Variants in GALNT14 observed in about 807,000 individuals in gnomAD.
The protein encoded by GALNT14 is UDP-GalNAc:polypeptide N-acetylgalactosaminyltransferase 14.
A neutral mutation model predicts 77.5 loss-of-function variants in GALNT14; 60 were observed. That is an observed-to-expected ratio of 0.77 (90% CI 0.63 to 0.96). The LOEUF is 0.96. Ranked by LOEUF, GALNT14 falls within the 40% of genes least tolerant of loss-of-function variation. The pLI, the probability that GALNT14 is intolerant of heterozygous loss-of-function variation, is 0.00. For missense variants in GALNT14, 710 were observed against 731.0 expected (o/e 0.97, Z 0.33); for synonymous variants, 280 against 281.7 (o/e 0.99, Z 0.06).
chr2:31,057,664 A>G (rs936245890), intron 1 of GALNT14, among the ~76,000 whole-genome samples: 5 of 152,092 alleles, frequency 3.3e-5, no homozygotes, highest in Admixed American at 3.3e-4. Flanking sequence ...CTGAAAGTGG[A>G]TAACACTAAC....
intron 8 of GALNT14, among the ~76,000 whole-genome samples, chr2:30,943,829 G>A (rs1312467831): frequency 6.6e-6 from 1 of 152,178 alleles, no homozygotes; most frequent in African/African-American, 2.4e-5. Flanking sequence ...TCAGGTAGAT[G>A]AGACCAAGGT....
At chr2:30,892,172 T>C in the GALNT14 span, among the ~76,000 whole-genome samples, 5,580 of 152,132 alleles carry the variant, frequency 0.037, 342 homozygotes, top group African/African-American at 0.13. Flanking sequence ...CCATAGATGA[T>C]TACAAATTTG....
chr2:30,924,817 C>G lies in GALNT14; in HGVS notation c.1158G>C (p.Glu386Asp), dbSNP rs543670916. ...FALERPFGNV[E>D]SRLDLRKNLR... is the part of the protein sequence containing the mutation. The stretch of plus-strand genomic sequence containing the variant: ...GATTCTTCCTCAGGTCCAATCTGCT[C>G]TCAACACTGGGGGCAACGGGGTTGT... The change falls in exon 12 of 15, where the codon GAG becomes GAC. Residue 386 changes from glutamate to aspartate, a missense_variant. By Grantham distance (45) the Glu-to-Asp change is conservative. Transcript: ENST00000349752. The G allele has an allele frequency of 1.4e-5, 22 of 1,613,724 alleles. No individual in the cohort carries two copies. The East Asian group carries it at 4.0e-4, about 29-fold the overall frequency.
intron 1 of GALNT14, among the ~76,000 whole-genome samples, chr2:31,083,949 G>T (rs556281983): frequency 5.3e-5 from 8 of 152,164 alleles, no homozygotes; most frequent in Non-Finnish European, 8.8e-5. Flanking sequence ...GTGAGCTGCC[G>T]GGGATCTCGC....
In GALNT14 at chr2:31,033,772, C is replaced by A. The variant is rs547465803; in HGVS notation, c.130-40765G>T. 2.6e-5 allele frequency among the ~76,000 whole-genome samples: 4 copies of A among 152,232 alleles called. No individual in the cohort carries two copies. In the East Asian group the frequency reaches 7.7e-4, roughly 29 times the overall value. On this transcript the variant is annotated intron_variant, in intron 1 of 14. Coordinates refer to ENST00000349752, the MANE Select transcript of GALNT14 (RefSeq NM_024572.4). ...TTCCCCGAGATATGCAGGTGATGCC[C>A]ACGTGTTAGTTCTGACACTAATTTC...
chr2:31,135,304 G>A (rs377097050), intron 1 of GALNT14, among the ~76,000 whole-genome samples: 30 of 152,296 alleles, frequency 2.0e-4, no homozygotes, highest in African/African-American at 7.0e-4. Flanking sequence ...GAGCTCACCA[G>A]GTGATTCTGA....
intron 6 of GALNT14, among the ~76,000 whole-genome samples, chr2:30,950,056 A>C (rs189009935): frequency 6.6e-6 from 1 of 152,350 alleles, no homozygotes; most frequent in African/African-American, 2.4e-5. Context: ...TTCATCTATA[A>C]AAGAAAGACA....
At chr2:30,905,170 G>T in the GALNT14 span, among the ~76,000 whole-genome samples, 1 of 152,106 alleles carries the variant, frequency 6.6e-6, no homozygotes, top group Admixed American at 6.5e-5. Flanking sequence ...TCCTCCAAAG[G>T]AACGCAGTTC....
intron 1 of GALNT14, among the ~76,000 whole-genome samples, chr2:31,045,174 C>T (rs945375953): frequency 6.6e-6 from 1 of 152,066 alleles, no homozygotes; most frequent in African/African-American, 2.4e-5. Flanking sequence ...TGATCTGGGG[C>T]GTTCAGGAAG....
At chr2:31,110,467 C>T (rs1677778359) in intron 1 of GALNT14, among the ~76,000 whole-genome samples, 1 of 152,198 alleles carries the variant, frequency 6.6e-6, no homozygotes, top group Non-Finnish European at 1.5e-5. Context: ...AAATCAGAGC[C>T]TACCAAGAAA....
At chr2:31,055,864 T>C (rs1392547922) in intron 1 of GALNT14, among the ~76,000 whole-genome samples, 1 of 152,230 alleles carries the variant, frequency 6.6e-6, no homozygotes, top group Non-Finnish European at 1.5e-5. Context: ...ATAGGACCTC[T>C]AGTTATGCTG....
intron 9 of GALNT14, among the ~76,000 whole-genome samples, chr2:30,938,523 T>C (rs1194888806): frequency 6.6e-6 from 1 of 152,216 alleles, no homozygotes; most frequent in Non-Finnish European, 1.5e-5. Context: ...CCAATTTTAA[T>C]GCAAATCAAC....
chr2:31,034,926 T>A (rs1431777247), intron 1 of GALNT14, among the ~76,000 whole-genome samples: 1 of 152,254 alleles, frequency 6.6e-6, no homozygotes, highest in Non-Finnish European at 1.5e-5. Flanking sequence ...TCATCATTGA[T>A]TTCCAAGTTC....
chr2:31,110,704 T>C (rs1336406643), intron 1 of GALNT14, among the ~76,000 whole-genome samples: 2 of 152,142 alleles, frequency 1.3e-5, no homozygotes, highest in African/African-American at 4.8e-5. Flanking sequence ...ACCACAATTT[T>C]TTTTTCTAAG....
At position 30,924,150 on chromosome 2, in the gene GALNT14, G is replaced by C; in HGVS notation, c.1349C>G (p.Ala450Gly). Reference sequence around the variant, plus strand: ...CTTTGCATCTTCGCCTTTGACCTTGGCACAGGGGCTCAACTTTAGGTTTGG... The same window carrying C: ...CTTTGCATCTTCGCCTTTGACCTTGCCACAGGGGCTCAACTTTAGGTTTGG... ...ETPNLKLSPCAKVKGEDAKSQ... is the reference protein window; with the variant it reads ...ETPNLKLSPCGKVKGEDAKSQ... Residue 450 changes from alanine to glycine, a missense_variant, in exon 13 of 15, where the codon GCC (alanine) becomes GGC (glycine). Transcript: ENST00000349752. 1 of 1,614,204 alleles carries C rather than the reference G, an allele frequency of 6.2e-7. No individual in the cohort carries two copies. Among genetic ancestry groups the C allele is most frequent in the East Asian group, 2.2e-5 (1 of 44,882 alleles).
At chr2:30,973,087 A>G (rs866848073) in intron 2 of GALNT14, among the ~76,000 whole-genome samples, 2 of 152,280 alleles carry the variant, frequency 1.3e-5, no homozygotes, top group African/African-American at 4.8e-5. Context: ...GGTCATTTTC[A>G]TCATGTTCCA....
At chr2:31,014,398 A>G (rs1323426016) in intron 1 of GALNT14, among the ~76,000 whole-genome samples, 1 of 152,214 alleles carries the variant, frequency 6.6e-6, no homozygotes, top group Non-Finnish European at 1.5e-5. Context: ...CCCCTCCCAC[A>G]GAGAGGCATT....
At chr2:31,110,025 T>A (rs1677757657) in intron 1 of GALNT14, among the ~76,000 whole-genome samples, 1 of 152,190 alleles carries the variant, frequency 6.6e-6, no homozygotes, top group South Asian at 2.1e-4. Context: ...TCTAACCAAT[T>A]TTATTTCCAA....
chr2:31,125,021 C>T (rs2148643634), intron 1 of GALNT14: 5 of 643,858 alleles, frequency 7.8e-6, no homozygotes, highest in South Asian at 3.8e-5. Context: ...CTGCTGGATG[C>T]AACTTCTCTC....
Sources: allele counts gnomAD v4.1 joint callset (sites outside exome capture counted in the v4.1 genomes callset), GRCh38; gene constraint gnomAD v4.1.1; transcripts MANE v1.5; gene names NCBI Gene and HGNC (gene_info 2026-07-23, HGNC 2026-07-21).